The following VANGL1 variants were observed in gnomAD, a reference collection of about 807,000 sequenced individuals.
The protein encoded by VANGL1 is VANGL planar cell polarity protein 1.
VANGL1 carries 18 observed loss-of-function variants against 48.4 expected under a neutral mutation model. The ratio of observed to expected loss-of-function variants is 0.37; its 90% confidence interval spans 0.26 to 0.55. The LOEUF is 0.55. Ranked by LOEUF, VANGL1 falls within the 20% of genes least tolerant of loss-of-function variation. The pLI is 0.81. For missense variants in VANGL1, 667 were observed against 675.8 expected (o/e 0.99, Z 0.14); for synonymous variants, 257 against 261.8 (o/e 0.98, Z 0.18).
chr1:115,685,586 A>G, intron 7 of VANGL1, 59 bp downstream of exon 7: 5 of 1,568,474 alleles, frequency 3.2e-6, no homozygotes, highest in Non-Finnish European at 4.4e-6. Context: ...GAGCTTGGCC[A>G]GTTGAATTAT....
chr1:115,642,876 A>C (rs1182137649), intron 1 of VANGL1, among the ~76,000 whole-genome samples: 2 of 152,110 alleles, frequency 1.3e-5, no homozygotes, highest in African/African-American at 2.4e-5. Flanking sequence ...GCGCCTAGAG[A>C]AGTGTGAAGC....
At chr1:115,668,229 G>A (rs1011413699) in intron 4 of VANGL1, among the ~76,000 whole-genome samples, 5 of 152,282 alleles carry the variant, frequency 3.3e-5, no homozygotes, top group East Asian at 1.9e-4. Context: ...GCATGTTCAC[G>A]TCACTGCTTT....
chr1:115,681,453 G>A (rs1653379368), intron 4 of VANGL1, among the ~76,000 whole-genome samples: 1 of 151,830 alleles, frequency 6.6e-6, no homozygotes. Flanking sequence ...AAGGGGCAGG[G>A]GGACCCAGAA....
chr1:115,657,060 G>A (rs1652380102), intron 2 of VANGL1, among the ~76,000 whole-genome samples: 1 of 152,186 alleles, frequency 6.6e-6, no homozygotes, highest in Admixed American at 6.5e-5. Flanking sequence ...CTATTCTGAG[G>A]TTAGTTCAGA....
chr1:115,685,150 G>A (rs531325137), intron 6 of VANGL1, 143 bp from the exon 7 acceptor site: 1 of 857,514 alleles, frequency 1.2e-6, no homozygotes, highest in East Asian at 2.7e-5. Flanking sequence ...CACTCTCTGA[G>A]GGACAGCTAA....
rs189281695 is a variant in VANGL1, at chr1:115,692,487, A to G, written c.*1108A>G. 2.0e-5 allele frequency: 3 copies of G among 152,760 alleles called. No homozygotes were observed. The highest frequency in any genetic ancestry group is 4.4e-5 in the Non-Finnish European group (3 of 68,074). The allele number at this position is 152,760 out of a possible 1,614,324, so 9.5% of individuals were successfully genotyped here. On this transcript the variant is annotated 3_prime_UTR_variant, in exon 8 of 8. Transcript: ENST00000355485. Reference sequence around the variant, plus strand: ...GTTTTCTGACCACCGTCACTGTGCAACTCATCGCCTCTGCCACTTAGGACC... The same window carrying G: ...GTTTTCTGACCACCGTCACTGTGCAGCTCATCGCCTCTGCCACTTAGGACC...
intron 5 of VANGL1, 34 bp downstream of exon 5, chr1:115,682,531 C>A (rs1557774647): frequency 6.2e-7 from 1 of 1,614,052 alleles, no homozygotes; most frequent in Non-Finnish European, 8.5e-7. Flanking sequence ...GTGGTGCTCA[C>A]AGGGGCACAG....
chr1:115,679,808 G>A lies in VANGL1; in HGVS notation c.813-2556G>A, dbSNP rs188762502. ...GGTAATGCTTTTCTGTTGGAATCCAGGGGCCTAGAGATGTTTCTTTATCAG... is the reference window on the plus strand; with the variant it reads ...GGTAATGCTTTTCTGTTGGAATCCAAGGGCCTAGAGATGTTTCTTTATCAG... On this transcript the variant is annotated intron_variant, in intron 4 of 7. Transcript: ENST00000355485. Among the ~76,000 whole-genome samples the A allele has an allele frequency of 1.2e-3, 179 of 152,258 alleles. 1 individual carries two copies. The highest frequency in any genetic ancestry group is 1.9e-3 in the South Asian group (9 of 4,798).
chr1:115,691,032 A>T, intron 7 of VANGL1, 87 bp from the exon 8 acceptor site: 1 of 1,591,456 alleles, frequency 6.3e-7, no homozygotes, highest in Non-Finnish European at 8.6e-7. Flanking sequence ...AAAGTTCTTT[A>T]TAGATGTGAG....
intron 3 of VANGL1, among the ~76,000 whole-genome samples, chr1:115,662,455 T>C (rs2101003035): frequency 6.6e-6 from 1 of 152,378 alleles, no homozygotes; most frequent in East Asian, 1.9e-4. Flanking sequence ...TGCTTCATTA[T>C]TGTTGCCAGT....
In VANGL1 at chr1:115,697,830, A is replaced by G. The variant is rs1439125345; in HGVS notation, c.*6451A>G. ...TCTTTCTGATTAGTTAATACTGTAC[A>G]TTGTAACCAGGAGGGGCAGTTTTGC... On this transcript the variant is annotated 3_prime_UTR_variant, in exon 8 of 8. Coordinates refer to ENST00000355485, the MANE Select transcript of VANGL1 (RefSeq NM_138959.3). 1 of 152,188 alleles carries G rather than the reference A, an allele frequency of 6.6e-6. No homozygotes were observed. Among genetic ancestry groups the G allele is most frequent in the African/African-American group, 2.4e-5 (1 of 41,440 alleles). 9.4% of individuals were successfully genotyped at this position (152,188 alleles called of 1,614,324 possible). A position where few individuals can be genotyped will look rare whatever the true frequency, so the allele number is the denominator to read the frequency against.
intron 7 of VANGL1, among the ~76,000 whole-genome samples, chr1:115,688,262 G>A (rs949503590): frequency 2.9e-5 from 4 of 138,086 alleles, no homozygotes; most frequent in Non-Finnish European, 4.7e-5. Context: ...TAATAGCTAC[G>A]TCTTATTCTA....
chr1:115,663,387 TAATC>T (rs1389052649), intron 3 of VANGL1, among the ~76,000 whole-genome samples: 2 of 152,214 alleles, frequency 1.3e-5, no homozygotes, highest in Non-Finnish European at 2.9e-5. Context: ...CAGGGGATGA[TAATC>T]AATGTTATGT....
chr1:115,669,828 A>G (rs1029078956), intron 4 of VANGL1, among the ~76,000 whole-genome samples: 1 of 152,166 alleles, frequency 6.6e-6, no homozygotes, highest in Non-Finnish European at 1.5e-5. Flanking sequence ...GAATCACAGA[A>G]CCACCTGTGC....
rs1481358377 is a variant in VANGL1 at position 115,694,939 on chromosome 1, A to T, written c.*3560A>T. On this transcript the variant is annotated 3_prime_UTR_variant, in exon 8 of 8. Coordinates refer to ENST00000355485, the MANE Select transcript of VANGL1 (RefSeq NM_138959.3). ...TGCAGTCCCCTGTGTTTGAGAGATGACTTAATAACCCTGTGTTTTGAGAGG... is the reference window on the plus strand; with the variant it reads ...TGCAGTCCCCTGTGTTTGAGAGATGTCTTAATAACCCTGTGTTTTGAGAGG... 6.6e-6 allele frequency: 1 copy of T among 152,142 alleles called. No homozygotes were observed. Among genetic ancestry groups the T allele is most frequent in the African/African-American group, 2.4e-5 (1 of 41,408 alleles). The allele number at this position is 152,142 out of a possible 1,614,324, so 9.4% of individuals were successfully genotyped here.
intron 1 of VANGL1, among the ~76,000 whole-genome samples, chr1:115,650,678 T>C (rs1054075033): frequency 1.4e-4 from 22 of 152,108 alleles, no homozygotes; most frequent in African/African-American, 5.1e-4. Flanking sequence ...GGATGAACCA[T>C]GTTTTCCTTA....
At chr1:115,689,710 A>G (rs181793001) in intron 7 of VANGL1, among the ~76,000 whole-genome samples, 1 of 136,468 alleles carries the variant, frequency 7.3e-6, no homozygotes, top group East Asian at 2.1e-4. Context: ...TAATCTCAAC[A>G]CTTTGGGAGG....
At position 115,673,513 on chromosome 1, in the gene VANGL1, C is replaced by T. The variant is rs576953784; in HGVS notation, c.813-8851C>T. Among the ~76,000 whole-genome samples the T allele has an allele frequency of 4.0e-5, 6 of 151,514 alleles. No homozygotes were observed. In the South Asian group the frequency reaches 6.3e-4, roughly 16 times the overall value. On this transcript the variant is annotated intron_variant, in intron 4 of 7. Coordinates refer to ENST00000355485, the MANE Select transcript of VANGL1 (RefSeq NM_138959.3). ...TTTCTGGTGGCTGCTGGCAACCCTT[C>T]GTGTTCCTTTATGGCTGTGTCACTC...
intron 4 of VANGL1, chr1:115,671,414 G>C (rs1325730952): frequency 2.6e-5 from 4 of 152,322 alleles, no homozygotes; most frequent in Non-Finnish European, 2.9e-5. Context: ...AGGTTTCGGG[G>C]AGCCGGGATC....
Sources: gnomAD v4.1 joint callset for allele counts (sites outside exome capture counted in the v4.1 genomes callset) on GRCh38, gnomAD v4.1.1 for gene constraint, MANE v1.5 for transcripts, NCBI Gene and HGNC (gene_info 2026-07-23, HGNC 2026-07-21) for gene names.